ENPP2: variants seen among roughly 807,000 people sequenced by gnomAD.
The protein encoded by ENPP2 is ectonucleotide pyrophosphatase/phosphodiesterase 2.
A neutral mutation model predicts 120.2 loss-of-function variants in ENPP2; 51 were observed. The observed-to-expected ratio is 0.42, with a 90% CI of 0.34 to 0.54. The LOEUF is 0.54. Ranked by LOEUF, ENPP2 falls within the 20% of genes least tolerant of loss-of-function variation. The pLI, the probability that ENPP2 is intolerant of heterozygous loss-of-function variation, is 0.04. For missense variants in ENPP2, 920 were observed against 1,066.5 expected (o/e 0.86, Z 1.91); for synonymous variants, 365 against 366.4 (o/e 1.00, Z 0.04).
At chr8:119,619,572 C>A (rs952733323) in intron 4 of ENPP2, among the ~76,000 whole-genome samples, 1 of 151,964 alleles carries the variant, frequency 6.6e-6, no homozygotes, top group South Asian at 2.1e-4. Flanking sequence ...ATTAAAAAAA[C>A]CAGTGGCGTC....
chr8:119,568,145 AAC>A (rs764841024), intron 22 of ENPP2, 28 bp downstream of exon 22: 93 of 1,105,836 alleles, frequency 8.4e-5, no homozygotes, highest in Middle Eastern at 4.0e-4. Context: ...TTTCATAAAT[AAC>A]AGTGTATTAG....
chr8:119,582,718 C>T (rs2305127), intron 17 of ENPP2, 116 bp from the exon 18 acceptor site: 152,497 of 760,048 alleles, frequency 0.2, 18,261 homozygotes, highest in African/African-American at 0.49. Context: ...CAAATCAGAA[C>T]TGGACAAAAC....
At chr8:119,561,787 T>TTGTGTGTGTGTGTG (rs146680195) in intron 24 of ENPP2, among the ~76,000 whole-genome samples, 1 of 149,030 alleles carries the variant, frequency 6.7e-6, no homozygotes, top group African/African-American at 2.5e-5. Flanking sequence ...TGCTCTTGCT[T>TTGTGTGTGTGTGTG]TGTGTGTGTG....
intron 24 of ENPP2, among the ~76,000 whole-genome samples, chr8:119,562,262 G>A (rs932885402): frequency 4.6e-5 from 7 of 151,794 alleles, no homozygotes; most frequent in Admixed American, 6.6e-5. Context: ...GACCAACATG[G>A]TGAAACCCCA....
chr8:119,643,656 G>A (rs1338507071), upstream of ENPP2, among the ~76,000 whole-genome samples: 1 of 152,168 alleles, frequency 6.6e-6, no homozygotes, highest in Non-Finnish European at 1.5e-5. Context: ...CACTCTTCTG[G>A]GAACTGGTCG....
intron 1 of ENPP2, among the ~76,000 whole-genome samples, chr8:119,666,527 T>A (rs1257346919): frequency 6.6e-6 from 1 of 152,192 alleles, no homozygotes; most frequent in Non-Finnish European, 1.5e-5. Context: ...ACACCTGTTA[T>A]CCTAGCACTT....
intron 24 of ENPP2, 102 bp downstream of exon 24, chr8:119,562,755 G>A (rs1814066774): frequency 8.5e-7 from 1 of 1,182,154 alleles, no homozygotes; most frequent in African/African-American, 1.5e-5. Flanking sequence ...TAGGGTGAAT[G>A]CTTTATAATA....
At chr8:119,619,450 A>G (rs945118806) in intron 4 of ENPP2, 146 bp from the exon 5 acceptor site, 3 of 605,204 alleles carry the variant, frequency 5.0e-6, no homozygotes, top group Non-Finnish European at 8.6e-6. Flanking sequence ...AAAAAAATCT[A>G]GTGTCTGGTT....
chr8:119,569,477 A>T, intron 20 of ENPP2, 107 bp from the exon 21 acceptor site: 2 of 995,244 alleles, frequency 2.0e-6, no homozygotes, highest in Non-Finnish European at 1.4e-6. Flanking sequence ...TGATAGTCTG[A>T]CTCCTTTTTT....
chr8:119,654,400 T>C lies in ENPP2; in HGVS notation c.22-15873A>G, dbSNP rs1817712248. 2.1e-5 allele frequency among the ~76,000 whole-genome samples: 3 copies of C among 144,788 alleles called. No individual in the cohort carries two copies. In the South Asian group the frequency reaches 6.4e-4, roughly 31 times the overall value. 95.0% of individuals were successfully genotyped at this position (144,788 alleles called of 152,430 possible). ...ATAGAGAGATATATCTAGATATTAA[T>C]ATCTAGATATATAATATAAAATATT... is the stretch of plus-strand genomic sequence containing the variant. On this transcript the variant is annotated intron_variant, in intron 1 of 25. Coordinates refer to the ENPP2 transcript ENST00000427067.
intron 15 of ENPP2, 31 bp downstream of exon 15, chr8:119,586,155 G>A (rs72688223): frequency 0.11 from 182,036 of 1,599,664 alleles, 11,220 homozygotes; most frequent in South Asian, 0.19. Flanking sequence ...TTGTGGAAAT[G>A]AGAAACAGAA....
At position 119,587,059 on chromosome 8, in the gene ENPP2, A is replaced by G. The variant is rs1261003845; in HGVS notation, c.1224T>C (p.Ile408=). The G allele has an allele frequency of 6.2e-7, 1 of 1,609,186 alleles. No homozygotes were observed. Among genetic ancestry groups the G allele is most frequent in the East Asian group, 2.2e-5 (1 of 44,818 alleles). The change falls in exon 14 of 25, where the codon ATT becomes ATC. Residue 408 remains isoleucine (I), a synonymous_variant. Coordinates refer to ENST00000075322, the MANE Select transcript of ENPP2 (RefSeq NM_001040092.3). The part of the protein sequence containing the change: ...SNNAKYDPKA[I]IANLTCKKPD... The stretch of plus-strand genomic sequence containing the variant: ...AAACACTTACCGTGAGATTGGCAAT[A>G]ATGGCTTTGGGGTCATCTGTTCAAA...
rs759438853 is a variant in ENPP2 at position 119,570,732 on chromosome 8, G to C, written c.1890C>G (p.Leu630=). Residue 630 remains leucine (L), a synonymous_variant, in exon 20 of 25, where the codon CTC becomes CTG. Coordinates refer to ENST00000075322, the MANE Select transcript of ENPP2 (RefSeq NM_001040092.3). ...SGYSEIFLMP[L]WTSYTVSKQA... is the part of the protein sequence containing the mutation. ...GTTTGGAAACAGTATATGATGTCCA[G>C]AGTGGCATTAGGAATATTTCACTAT... The C allele has an allele frequency of 2.5e-6, 4 of 1,584,162 alleles. No homozygotes were observed. Among genetic ancestry groups the C allele is most frequent in the Admixed American group, 3.6e-5 (2 of 56,212 alleles).
chr8:119,647,808 C>A (rs1251770271), intron 1 of ENPP2, among the ~76,000 whole-genome samples: 1 of 151,982 alleles, frequency 6.6e-6, no homozygotes, highest in Non-Finnish European at 1.5e-5. Flanking sequence ...AGATCGATGC[C>A]GACCTGGCCA....
At chr8:119,661,885 G>A (rs1817931031) in intron 1 of ENPP2, among the ~76,000 whole-genome samples, 1 of 152,090 alleles carries the variant, frequency 6.6e-6, no homozygotes, top group African/African-American at 2.4e-5. Context: ...GGATGAACCT[G>A]GAGGTCATGA....
upstream of ENPP2, among the ~76,000 whole-genome samples, chr8:119,639,791 A>G (rs1171225223): frequency 6.6e-6 from 1 of 152,204 alleles, no homozygotes; most frequent in Non-Finnish European, 1.5e-5. Context: ...CTTTGAGGCT[A>G]TTGTGGGTAC....
intron 9 of ENPP2, 79 bp downstream of exon 9, chr8:119,607,843 A>C (rs1414942260): frequency 1.1e-6 from 1 of 892,294 alleles, no homozygotes; most frequent in Non-Finnish European, 1.8e-6. Context: ...ACTGAAACAA[A>C]ATAAAACTTA....
chr8:119,564,772 T>G, intron 23 of ENPP2, 51 bp downstream of exon 23: 1 of 1,554,706 alleles, frequency 6.4e-7, no homozygotes, highest in Non-Finnish European at 8.7e-7. Flanking sequence ...ACTTCTTGAG[T>G]GAGATCTTGG....
At chr8:119,560,645 C>T (rs6982484) in intron 24 of ENPP2, among the ~76,000 whole-genome samples, 45,402 of 152,044 alleles carry the variant, frequency 0.3, 7,056 homozygotes, top group South Asian at 0.4. Flanking sequence ...GAGCCAAAAA[C>T]GTTGCTCTTC....
Sources: allele counts gnomAD v4.1 joint callset (sites outside exome capture counted in the v4.1 genomes callset), GRCh38; gene constraint gnomAD v4.1.1; transcripts MANE v1.5; gene names NCBI Gene and HGNC (gene_info 2026-07-23, HGNC 2026-07-21).